The following DUSP14 variants were observed in gnomAD, a reference collection of about 807,000 sequenced individuals.
DUSP14 encodes the protein dual specificity phosphatase 14.
In DUSP14, 5 loss-of-function variants were observed where a neutral mutation model predicts 13.2. That is an observed-to-expected ratio of 0.38 (90% CI 0.20 to 0.80). The LOEUF is 0.80. Ranked by LOEUF, DUSP14 falls within the 30% of genes least tolerant of loss-of-function variation. DUSP14 has a pLI of 0.44. For synonymous variants in DUSP14, 91 were observed against 103.4 expected, an observed-to-expected ratio of 0.88 and a Z score of 0.73; for missense variants, 185 against 264.0, an observed-to-expected ratio of 0.70 and a Z score of 2.07.
chr17:37,490,077 C>T (rs2054016390), intron 1 of DUSP14, 119 bp downstream of exon 1: 1 of 151,664 alleles, frequency 6.6e-6, no homozygotes, highest in Non-Finnish European at 1.5e-5. Context: ...CCCGCGCGAC[C>T]CCGCCTCTGG....
chr17:37,491,364 C>A (rs1199387722), intron 1 of DUSP14: 2 of 152,282 alleles, frequency 1.3e-5, no homozygotes, highest in African/African-American at 2.4e-5. Context: ...GGGGCAGAGA[C>A]CCTGACCTGA....
At chr17:37,504,196 A>C (rs1277675591) in intron 1 of DUSP14, among the ~76,000 whole-genome samples, 1 of 152,192 alleles carries the variant, frequency 6.6e-6, no homozygotes, top group African/African-American at 2.4e-5. Context: ...ACCATCTCAA[A>C]CAAAAACAAA....
At chr17:37,509,281 ATATATATATATATATAGT>A (rs1244939395) in intron 1 of DUSP14, among the ~76,000 whole-genome samples, 5 of 33,418 alleles carry the variant, frequency 1.5e-4, no homozygotes, top group African/African-American at 3.0e-4. Flanking sequence ...ATATATATAT[ATATATATATATATATAGT>A]GTGTGTGTGT....
intron 1 of DUSP14, among the ~76,000 whole-genome samples, chr17:37,503,920 G>A (rs1003092957): frequency 6.6e-6 from 1 of 152,168 alleles, no homozygotes; most frequent in Admixed American, 6.5e-5. Context: ...GCTGGGCGTG[G>A]TGGCCCATGC....
chr17:37,495,652 T>TTTTTTTTGTTTTTTTG (rs72333753), intron 1 of DUSP14, among the ~76,000 whole-genome samples: 8 of 149,454 alleles, frequency 5.4e-5, no homozygotes, highest in Non-Finnish European at 1.0e-4. Context: ...TTAAGTTTTG[T>TTTTTTTTGTTTTTTTG]TTTTTTTGTT....
chr17:37,496,343 G>A lies in DUSP14; in HGVS notation c.-181+6385G>A, dbSNP rs149589727. ...AATTATGCTGGGCACAGTGGCTCAC[G>A]CCTATAATCCCAGCACTTTGGGAGG... On this transcript the variant is annotated intron_variant, in intron 1 of 2. Transcript: ENST00000617516. Among the ~76,000 whole-genome samples the A allele has an allele frequency of 6.4e-3, 973 of 152,308 alleles. 15 individuals carry two copies. The highest frequency in any genetic ancestry group is 0.023 in the African/African-American group (941 of 41,566).
intron 1 of DUSP14, among the ~76,000 whole-genome samples, chr17:37,504,463 A>C (rs1241369924): frequency 2.0e-5 from 3 of 152,194 alleles, no homozygotes; most frequent in African/African-American, 7.2e-5. Context: ...GATATCAGTT[A>C]ATTAATACAG....
intron 1 of DUSP14, among the ~76,000 whole-genome samples, chr17:37,493,153 A>G (rs767551120): frequency 4.6e-5 from 7 of 152,128 alleles, no homozygotes; most frequent in African/African-American, 4.8e-5. Flanking sequence ...TTTAGAGACA[A>G]GGTCTCACTA....
chr17:37,503,421 G>C (rs1350409015), intron 1 of DUSP14, among the ~76,000 whole-genome samples: 1 of 152,078 alleles, frequency 6.6e-6, no homozygotes, highest in Non-Finnish European at 1.5e-5. Flanking sequence ...GGGAGACCCT[G>C]TGTCAAAAAC....
chr17:37,495,858 C>T (rs2054061598), intron 1 of DUSP14, among the ~76,000 whole-genome samples: 1 of 152,026 alleles, frequency 6.6e-6, no homozygotes, highest in Non-Finnish European at 1.5e-5. Context: ...CAGGGTTTCA[C>T]CATGTTGGTC....
chr17:37,489,889 C>A (rs950224077), upstream of DUSP14: 20 of 148,268 alleles, frequency 1.3e-4, no homozygotes, highest in African/African-American at 4.9e-4. Context: ...GGCGCCCAGC[C>A]CGCAGAAGCC....
intron 1 of DUSP14, among the ~76,000 whole-genome samples, chr17:37,493,147 G>C (rs912445420): frequency 5.3e-5 from 8 of 152,028 alleles, no homozygotes; most frequent in Non-Finnish European, 1.2e-4. Flanking sequence ...AATTTTTTTA[G>C]AGACAAGGTC....
In DUSP14 at chr17:37,512,118, G is replaced by GT. The variant is rs1267775959; in HGVS notation, c.-92-62dup. 3 of 613,682 alleles carry GT rather than the reference G, an allele frequency of 4.9e-6. No individual in the cohort carries two copies. In the African/African-American group the frequency reaches 5.5e-5, roughly 11 times the overall value. The allele number at this position is 613,682 out of a possible 1,614,324, so 38.0% of individuals were successfully genotyped here. A position where few individuals can be genotyped will look rare whatever the true frequency, so the allele number is the denominator to read the frequency against. ...CCTCTAATCTTCCCATTTGACAAAT[G>GT]TGACAGAAGGCTGTGATGAATCAGT... On this transcript the variant is annotated intron_variant, in intron 2 of 2. Transcript: ENST00000617516. The surrounding 1 kb of genome is among the most constrained non-coding windows in gnomAD (Gnocchi z 4.8).
At chr17:37,506,281 C>G (rs952782472) in intron 1 of DUSP14, among the ~76,000 whole-genome samples, 1 of 149,614 alleles carries the variant, frequency 6.7e-6, no homozygotes, top group East Asian at 2.0e-4. Flanking sequence ...GCCCCCGTCC[C>G]CCTGCAAAAA....
chr17:37,509,140 C>T (rs1273510555), intron 1 of DUSP14, among the ~76,000 whole-genome samples: 8,822 of 36,408 alleles, frequency 0.24, 1,984 homozygotes, highest in East Asian at 0.8. Flanking sequence ...CACACACACA[C>T]ACACACACAC....
At position 37,510,729 on chromosome 17, in the gene DUSP14, C is replaced by T. The variant is rs2054178081; in HGVS notation, c.-128C>T. ...ACTGCTCACTTAGGACTTTCTGGAT[C>T]CGGACCCAGGCAGCGCACACTGGAC... On this transcript the variant is annotated 5_prime_UTR_variant, in exon 2 of 3. Coordinates refer to ENST00000617516, the MANE Select transcript of DUSP14 (RefSeq NM_007026.4). The T allele has an allele frequency of 6.6e-6, 1 of 152,146 alleles. No homozygotes were observed. Among genetic ancestry groups the T allele is most frequent in the Non-Finnish European group, 1.5e-5 (1 of 68,058 alleles). 9.4% of individuals were successfully genotyped at this position (152,146 alleles called of 1,614,324 possible). A position where few individuals can be genotyped will look rare whatever the true frequency, so the allele number is the denominator to read the frequency against.
In DUSP14 at chr17:37,512,069, G is replaced by A; in HGVS notation, c.-92-112G>A. 2 of 541,958 alleles carry A rather than the reference G, an allele frequency of 3.7e-6. No homozygotes were observed. The highest frequency in any genetic ancestry group is 3.2e-6 in the Non-Finnish European group (1 of 308,270). 33.6% of individuals were successfully genotyped at this position (541,958 alleles called of 1,614,324 possible). On this transcript the variant is annotated intron_variant, in intron 2 of 2. Coordinates refer to ENST00000617516, the MANE Select transcript of DUSP14 (RefSeq NM_007026.4). This position sits in a 1 kb window ranked among gnomAD's most constrained non-coding sequence, Gnocchi z 4.8. ...GATTTGTCTGTATCCTTGAAAGATT[G>A]TACTGTATTATTTAAAAAAAAACCC...
chr17:37,504,414 A>G (rs2054124260), intron 1 of DUSP14, among the ~76,000 whole-genome samples: 1 of 152,158 alleles, frequency 6.6e-6, no homozygotes, highest in African/African-American at 2.4e-5. Context: ...TATCCTCATC[A>G]TATCCTCATC....
intron 1 of DUSP14, among the ~76,000 whole-genome samples, chr17:37,500,952 C>T (rs1395897553): frequency 1.3e-5 from 2 of 152,124 alleles, no homozygotes; most frequent in Non-Finnish European, 2.9e-5. Flanking sequence ...CCGCCCCAGC[C>T]AGTGAAATGT....
Sources: allele counts gnomAD v4.1 joint callset (sites outside exome capture counted in the v4.1 genomes callset), GRCh38; gene constraint gnomAD v4.1.1; non-coding constraint Gnocchi (gnomAD v3.1); transcripts MANE v1.5; gene names NCBI Gene and HGNC (gene_info 2026-07-23, HGNC 2026-07-21).